TMEM150C: variants seen among roughly 807,000 people sequenced by gnomAD.
The protein encoded by TMEM150C is tentonin 3.
TMEM150C carries 10 observed loss-of-function variants against 29.9 expected under a neutral mutation model. The observed-to-expected ratio is 0.33, with a 90% CI of 0.21 to 0.57. TMEM150C has a LOEUF of 0.57. TMEM150C is among the 20% of genes least tolerant of loss of function. The pLI is 0.88. For synonymous variants in TMEM150C, 101 were observed against 112.5 expected (o/e 0.90, Z 0.64); for missense variants, 251 against 303.6 (o/e 0.83, Z 1.29).
chr4:82,505,351 A>T (rs2110070556), intron 1 of TMEM150C, among the ~76,000 whole-genome samples: 1 of 152,294 alleles, frequency 6.6e-6, no homozygotes, highest in South Asian at 2.1e-4. Flanking sequence ...CCGGCCAGAA[A>T]ATTTTTCATA....
At chr4:82,532,179 A>G (rs1055616728) in intron 1 of TMEM150C, among the ~76,000 whole-genome samples, 1 of 152,240 alleles carries the variant, frequency 6.6e-6, no homozygotes, top group Non-Finnish European at 1.5e-5. Flanking sequence ...TGAATAAGAC[A>G]AGATAACATG....
At chr4:82,519,848 T>C (rs1724428272) in intron 1 of TMEM150C, among the ~76,000 whole-genome samples, 2 of 152,222 alleles carry the variant, frequency 1.3e-5, no homozygotes. Context: ...TATGCTGTAA[T>C]AAAAGCTATG....
chr4:82,540,676 G>A (rs1345807489), intron 1 of TMEM150C, among the ~76,000 whole-genome samples: 1 of 152,082 alleles, frequency 6.6e-6, no homozygotes, highest in Non-Finnish European at 1.5e-5. Flanking sequence ...ACAAAGACAG[G>A]TTGATTTATT....
intron 1 of TMEM150C, among the ~76,000 whole-genome samples, chr4:82,559,430 C>A (rs1243912765): frequency 2.6e-5 from 4 of 152,198 alleles, no homozygotes; most frequent in African/African-American, 7.2e-5. Flanking sequence ...TGGTGGACGC[C>A]TGTAATCCCA....
At chr4:82,550,529 G>C (rs139994488) in intron 1 of TMEM150C, among the ~76,000 whole-genome samples, 1 of 152,268 alleles carries the variant, frequency 6.6e-6, no homozygotes, top group African/African-American at 2.4e-5. Context: ...AGCCAGGCAC[G>C]ATGGCTCATG....
At chr4:82,537,977 C>A (rs1332667626) in intron 1 of TMEM150C, among the ~76,000 whole-genome samples, 1 of 152,090 alleles carries the variant, frequency 6.6e-6, no homozygotes, top group African/African-American at 2.4e-5. Context: ...GTTGTGGCAG[C>A]CCTTGGAAAC....
intron 1 of TMEM150C, among the ~76,000 whole-genome samples, chr4:82,528,783 A>G (rs943632417): frequency 6.6e-6 from 1 of 151,926 alleles, no homozygotes; most frequent in African/African-American, 2.4e-5. Context: ...TTTAGTAAAG[A>G]CGGGGTTTCA....
intron 1 of TMEM150C, among the ~76,000 whole-genome samples, chr4:82,541,322 G>C (rs888378417): frequency 6.6e-6 from 1 of 152,090 alleles, no homozygotes; most frequent in Non-Finnish European, 1.5e-5. Context: ...ATGCTCAGCT[G>C]TAATTTCTTA....
chr4:82,490,810 C>A, intron 6 of TMEM150C: 1 of 523,474 alleles, frequency 1.9e-6, no homozygotes, highest in South Asian at 1.8e-5. Flanking sequence ...ACAGAAAACT[C>A]AACAGTGTAT....
chr4:82,513,271 C>G (rs1724188812), intron 1 of TMEM150C, among the ~76,000 whole-genome samples: 1 of 152,192 alleles, frequency 6.6e-6, no homozygotes, highest in Admixed American at 6.5e-5. Flanking sequence ...TGGTCTTCAG[C>G]CTCCACTGGT....
intron 5 of TMEM150C, 69 bp from the exon 6 acceptor site, chr4:82,496,264 T>TATC (rs1723555775): frequency 7.1e-7 from 1 of 1,405,622 alleles, no homozygotes; most frequent in African/African-American, 1.4e-5. Context: ...GGCAGAATTC[T>TATC]ATTATTATTA....
chr4:82,552,254 T>C (rs890661339), intron 1 of TMEM150C, among the ~76,000 whole-genome samples: 2 of 152,218 alleles, frequency 1.3e-5, no homozygotes, highest in Admixed American at 6.5e-5. Context: ...GGTATTCCTT[T>C]ATAGCAACAC....
At chr4:82,500,024 C>T (rs887782294) in intron 5 of TMEM150C, among the ~76,000 whole-genome samples, 1 of 152,140 alleles carries the variant, frequency 6.6e-6, no homozygotes, top group African/African-American at 2.4e-5. Flanking sequence ...CTCACAACCT[C>T]CCCAGGGCAG....
intron 5 of TMEM150C, among the ~76,000 whole-genome samples, chr4:82,500,489 T>C (rs191898871): frequency 1.1e-3 from 175 of 152,292 alleles, no homozygotes; most frequent in Non-Finnish European, 4.1e-4. Flanking sequence ...GTCTACCAGA[T>C]GGCACTCAAA....
chr4:82,559,833 T>C (rs9993136), intron 1 of TMEM150C, among the ~76,000 whole-genome samples: 74 of 152,310 alleles, frequency 4.9e-4, no homozygotes, highest in African/African-American at 1.7e-3. Flanking sequence ...TGATCCCAAA[T>C]GGCCAGATTG....
intron 6 of TMEM150C, among the ~76,000 whole-genome samples, chr4:82,492,113 G>T (rs1000285945): frequency 1.8e-5 from 2 of 108,214 alleles, no homozygotes; most frequent in South Asian, 2.6e-4. Context: ...CTAAATAATT[G>T]TTTTTTGTTG....
chr4:82,551,088 G>C (rs1223764560), intron 1 of TMEM150C, among the ~76,000 whole-genome samples: 3 of 152,156 alleles, frequency 2.0e-5, no homozygotes, highest in Non-Finnish European at 4.4e-5. Flanking sequence ...GGGAGGTACA[G>C]GAAGACATGG....
intron 1 of TMEM150C, among the ~76,000 whole-genome samples, chr4:82,509,216 T>C (rs1724038897): frequency 6.6e-6 from 1 of 152,176 alleles, no homozygotes; most frequent in Non-Finnish European, 1.5e-5. Context: ...AGTCAGATGA[T>C]GAAAATCCCC....
intron 1 of TMEM150C, among the ~76,000 whole-genome samples, chr4:82,530,555 T>TCAAAA (rs1328016060): frequency 6.6e-6 from 1 of 152,014 alleles, no homozygotes; most frequent in Admixed American, 6.5e-5. Flanking sequence ...AGACTCTGTC[T>TCAAAA]CAAAACAAAA....
Sources: allele counts gnomAD v4.1 joint callset (sites outside exome capture counted in the v4.1 genomes callset), GRCh38; gene constraint gnomAD v4.1.1; transcripts MANE v1.5; gene names NCBI Gene and HGNC (gene_info 2026-07-23, HGNC 2026-07-21).